RBMS1: variants seen among roughly 807,000 people sequenced by gnomAD.
RBMS1 encodes the protein RNA-binding motif, single-stranded-interacting protein 1.
In RBMS1, 17 loss-of-function variants were observed where a neutral mutation model predicts 62.3. That is an observed-to-expected ratio of 0.27 (90% CI 0.19 to 0.41). RBMS1 has a LOEUF of 0.41. RBMS1 is among the 10% of genes least tolerant of loss of function. The pLI, the probability that RBMS1 is intolerant of heterozygous loss-of-function variation, is 1.00. For synonymous variants in RBMS1, 172 were observed against 170.0 expected (o/e 1.01, Z -0.09); for missense variants, 334 against 504.5 (o/e 0.66, Z 3.24).
rs145638290 is a variant in RBMS1 at position 160,393,183 on chromosome 2, A to C, written c.76-25792T>G. ...CCCATTGAGAACTCTGTTTCTATAC[A>C]GGAAACAAATCAAATGCACCTGGAA... On this transcript the variant is annotated intron_variant, in intron 1 of 13. Transcript: ENST00000348849. Among the ~76,000 whole-genome samples the C allele has an allele frequency of 8.6e-4, 131 of 152,324 alleles. 1 individual carries two copies. Among genetic ancestry groups the C allele is most frequent in the African/African-American group, 3.1e-3 (129 of 41,566 alleles).
intron 1 of RBMS1, among the ~76,000 whole-genome samples, chr2:160,458,551 C>G (rs1024505178): frequency 6.6e-6 from 1 of 152,142 alleles, no homozygotes; most frequent in Non-Finnish European, 1.5e-5. Context: ...AATCCCAGCA[C>G]TTTGGGAGGC....
rs114460227 is a variant in RBMS1, at chr2:160,425,552, C to A, written c.76-58161G>T. 8.3e-3 allele frequency among the ~76,000 whole-genome samples: 1,267 copies of A among 152,088 alleles called. 22 individuals carry two copies. The highest frequency in any genetic ancestry group is 0.027 in the African/African-American group (1,125 of 41,472). On this transcript the variant is annotated intron_variant, in intron 1 of 13. Transcript: ENST00000348849. ...AAGCAATGCTGGAAGGAAGGAGAAG[C>A]AATGAGGTAGAGGAATCATCACTTG... is the stretch of plus-strand genomic sequence containing the variant.
rs1376896228 is a variant in RBMS1 at position 160,439,616 on chromosome 2, G to A, written c.75+53673C>T. ...GCTCCTCACATCCCAGACGATGGGC[G>A]GCCAGGCGGAGACGCTCCTCACTTC... On this transcript the variant is annotated intron_variant, in intron 1 of 13. Transcript: ENST00000348849. Among the ~76,000 whole-genome samples, 9 of 150,956 alleles carry A rather than the reference G, an allele frequency of 6.0e-5. 1 individual carries two copies. The highest frequency in any genetic ancestry group is 1.3e-4 in the Admixed American group (2 of 15,182).
intron 9 of RBMS1, chr2:160,283,493 G>T (rs1003316577): frequency 6.6e-6 from 1 of 152,146 alleles, no homozygotes; most frequent in Non-Finnish European, 1.5e-5. Flanking sequence ...AAAAGAAAAC[G>T]AGTGACAACT....
intron 1 of RBMS1, among the ~76,000 whole-genome samples, chr2:160,466,399 GA>G (rs997876097): frequency 4.6e-5 from 7 of 151,964 alleles, no homozygotes; most frequent in Admixed American, 3.9e-4. Flanking sequence ...AGTTAAAGAG[GA>G]AAAAACCCTC....
intron 1 of RBMS1, among the ~76,000 whole-genome samples, chr2:160,392,019 A>G (rs552374105): frequency 2.0e-5 from 3 of 152,188 alleles, no homozygotes; most frequent in Non-Finnish European, 4.4e-5. Flanking sequence ...GATTACACAG[A>G]TATGTGAAGG....
rs1272498917 is a variant in RBMS1, at chr2:160,274,490, A to G, written c.*282T>C. The stretch of plus-strand genomic sequence containing the variant: ...TTTTTTCTTTTTCTTTTTTTGCATC[A>G]TAACATTTGATAAAAATCTTTTGTT... On this transcript the variant is annotated 3_prime_UTR_variant, in exon 14 of 14. Transcript: ENST00000348849. The G allele has an allele frequency of 1.3e-5, 2 of 148,982 alleles. No individual in the cohort carries two copies. The highest frequency in any genetic ancestry group is 2.1e-4 in the South Asian group (1 of 4,708). 9.2% of individuals were successfully genotyped at this position (148,982 alleles called of 1,614,324 possible).
chr2:160,352,476 CA>C (rs1692571700), intron 2 of RBMS1, among the ~76,000 whole-genome samples: 1 of 152,038 alleles, frequency 6.6e-6, no homozygotes, highest in Admixed American at 6.6e-5. Flanking sequence ...CCTTTAAGTA[CA>C]AAAACAAATA....
chr2:160,404,843 T>G (rs911399609), intron 1 of RBMS1, among the ~76,000 whole-genome samples: 1 of 152,210 alleles, frequency 6.6e-6, no homozygotes, highest in Non-Finnish European at 1.5e-5. Flanking sequence ...ATCCCTAAAC[T>G]GGACTTCTGA....
intron 1 of RBMS1, among the ~76,000 whole-genome samples, chr2:160,396,051 T>C (rs1695120791): frequency 6.6e-6 from 1 of 152,192 alleles, no homozygotes; most frequent in Non-Finnish European, 1.5e-5. Flanking sequence ...ACTGAGTAAC[T>C]ATTACCCCTG....
intron 4 of RBMS1, among the ~76,000 whole-genome samples, chr2:160,307,326 G>A (rs1298302829): frequency 3.0e-5 from 4 of 132,888 alleles, no homozygotes; most frequent in Non-Finnish European, 6.2e-5. Context: ...GGAGAGGGGG[G>A]ATTATATTCC....
chr2:160,479,084 G>A (rs1162927392), intron 1 of RBMS1, among the ~76,000 whole-genome samples: 1 of 152,216 alleles, frequency 6.6e-6, no homozygotes, highest in Non-Finnish European at 1.5e-5. Context: ...ATTACAACAG[G>A]TAGTGATGGC....
chr2:160,393,783 A>G (rs908662493), intron 1 of RBMS1, among the ~76,000 whole-genome samples: 6 of 151,946 alleles, frequency 3.9e-5, no homozygotes, highest in Middle Eastern at 3.2e-3. Flanking sequence ...CTCCAAAAAA[A>G]AAAAAAGAAA....
intron 1 of RBMS1, among the ~76,000 whole-genome samples, chr2:160,377,797 C>T (rs1282528848): frequency 6.6e-6 from 1 of 152,144 alleles, no homozygotes; most frequent in Non-Finnish European, 1.5e-5. Context: ...TGATGTAATG[C>T]AACCCCTCAC....
intron 4 of RBMS1, among the ~76,000 whole-genome samples, chr2:160,311,224 C>CTATATTTCTATATATCTATA: frequency 1.8e-5 from 1 of 56,604 alleles, no homozygotes; most frequent in East Asian, 4.3e-4. Context: ...ATCTATCTAT[C>CTATATTTCTATATATCTATA]TATCTATCTA....
At position 160,422,627 on chromosome 2, in the gene RBMS1, C is replaced by T. The variant is rs537270972; in HGVS notation, c.76-55236G>A. 3.3e-5 allele frequency among the ~76,000 whole-genome samples: 5 copies of T among 151,648 alleles called. No individual in the cohort carries two copies. The East Asian group carries it at 9.7e-4, about 29-fold the overall frequency. On this transcript the variant is annotated intron_variant, in intron 1 of 13. Coordinates refer to ENST00000348849, the MANE Select transcript of RBMS1 (RefSeq NM_016836.4). The stretch of plus-strand genomic sequence containing the variant: ...TAGCACCACCAGCACCCACCCCTCA[C>T]AGCTCCCCCCGCCCCACCACATTTA...
At chr2:160,433,919 T>C (rs1034435780) in intron 1 of RBMS1, among the ~76,000 whole-genome samples, 5 of 152,224 alleles carry the variant, frequency 3.3e-5, no homozygotes, top group African/African-American at 1.2e-4. Context: ...TCCTCTTAAG[T>C]ATGGCATTGT....
At chr2:160,349,417 GAGA>G (rs1224406108) in intron 2 of RBMS1, among the ~76,000 whole-genome samples, 11 of 152,132 alleles carry the variant, frequency 7.2e-5, no homozygotes, top group Non-Finnish European at 1.2e-4. Context: ...CAGGATGATA[GAGA>G]AGAATATGTA....
At chr2:160,320,962 G>A (rs1690526836) in intron 2 of RBMS1, among the ~76,000 whole-genome samples, 2 of 151,904 alleles carry the variant, frequency 1.3e-5, no homozygotes, top group African/African-American at 4.8e-5. Context: ...TCCAATTTGG[G>A]GTAAGGAGAT....
Sources: gnomAD v4.1 joint callset for allele counts (sites outside exome capture counted in the v4.1 genomes callset) on GRCh38, gnomAD v4.1.1 for gene constraint, MANE v1.5 for transcripts, NCBI Gene and HGNC (gene_info 2026-07-23, HGNC 2026-07-21) for gene names.